SOX6: variants seen among roughly 807,000 people sequenced by gnomAD.
SOX6 encodes the protein SRY-box transcription factor 6, also known as transcription factor SOX-6.
Under a neutral mutation model 97.8 loss-of-function variants are expected in SOX6, and 11 were observed. The ratio of observed to expected loss-of-function variants is 0.11; its 90% CI spans 0.07 to 0.19. The LOEUF (loss-of-function observed/expected upper bound fraction) is 0.19. Ranked by LOEUF, SOX6 falls within the 10% of genes least tolerant of loss-of-function variation. The pLI is 1.00. For missense variants in SOX6, 810 were observed against 1,039.5 expected (o/e 0.78, Z 3.04); for synonymous variants, 360 against 371.4 (o/e 0.97, Z 0.35).
intron 3 of SOX6, chr11:16,317,671 C>T (rs906782410): frequency 2.6e-5 from 4 of 152,952 alleles, no homozygotes; most frequent in Non-Finnish European, 1.5e-5. Flanking sequence ...CCCAATTTGT[C>T]TATAGTAAAA....
chr11:16,087,906 G>T (rs560095382), intron 9 of SOX6, among the ~76,000 whole-genome samples: 1 of 151,972 alleles, frequency 6.6e-6, no homozygotes, highest in South Asian at 2.1e-4. Context: ...ATAATTCTTT[G>T]CTGTGGGTGG....
chr11:16,377,820 T>C (rs564154265), intron 1 of SOX6, among the ~76,000 whole-genome samples: 1 of 152,286 alleles, frequency 6.6e-6, no homozygotes, highest in Non-Finnish European at 1.5e-5. Flanking sequence ...GTAAAAATGT[T>C]TCTTTTGCCA....
chr11:16,600,684 C>T (rs1848257855), intron 4 of SOX6, among the ~76,000 whole-genome samples: 1 of 152,176 alleles, frequency 6.6e-6, no homozygotes, highest in South Asian at 2.1e-4. Context: ...TGAACTATTT[C>T]CAGTTTGTTT....
chr11:16,518,596 T>C (rs926444410), intron 4 of SOX6, among the ~76,000 whole-genome samples: 4 of 152,154 alleles, frequency 2.6e-5, no homozygotes, highest in Non-Finnish European at 5.9e-5. Flanking sequence ...CTCTGTAATA[T>C]GTCTACTGAA....
chr11:16,185,286 C>G (rs1590007912), intron 5 of SOX6, among the ~76,000 whole-genome samples: 1 of 152,278 alleles, frequency 6.6e-6, no homozygotes, highest in East Asian at 1.9e-4. Context: ...GGATGGCCCA[C>G]TCTGCTTGTG....
At chr11:16,606,242 TC>T (rs1160647679) in intron 4 of SOX6, among the ~76,000 whole-genome samples, 6 of 147,226 alleles carry the variant, frequency 4.1e-5, no homozygotes, top group African/African-American at 1.3e-4. Flanking sequence ...TTTTTTTTTT[TC>T]CTTTATATCT....
intron 4 of SOX6, among the ~76,000 whole-genome samples, chr11:16,515,507 C>G: frequency 9.3e-6 from 1 of 107,926 alleles, no homozygotes; most frequent in African/African-American, 3.5e-5. Context: ...TGCCTGTTCA[C>G]TCTGATGGTA....
At chr11:16,520,923 G>C (rs1216623119) in intron 4 of SOX6, among the ~76,000 whole-genome samples, 2 of 152,230 alleles carry the variant, frequency 1.3e-5, no homozygotes, top group African/African-American at 2.4e-5. Context: ...GCGAGGCTGG[G>C]GGAGGGGTGC....
intron 6 of SOX6, among the ~76,000 whole-genome samples, chr11:16,122,557 C>T (rs1849519379): frequency 6.6e-6 from 1 of 151,950 alleles, no homozygotes. Flanking sequence ...AAACTTTTGA[C>T]CCACAATGAA....
chr11:16,682,682 C>T (rs1177012787), intron 3 of SOX6, among the ~76,000 whole-genome samples: 1 of 152,210 alleles, frequency 6.6e-6, no homozygotes, highest in Non-Finnish European at 1.5e-5. Context: ...TGGCACAAAA[C>T]AAGGATGCCC....
chr11:16,142,305 G>T (rs945723985), intron 6 of SOX6, among the ~76,000 whole-genome samples: 1 of 152,078 alleles, frequency 6.6e-6, no homozygotes, highest in South Asian at 2.1e-4. Flanking sequence ...ACTGTTAGAA[G>T]GAAAACTAAC....
chr11:16,061,803 C>G lies in SOX6; in HGVS notation c.1102-5902G>C, dbSNP rs182072230. Among the ~76,000 whole-genome samples, 400 of 151,868 alleles carry G rather than the reference C, an allele frequency of 2.6e-3. 1 individual carries two copies. Among genetic ancestry groups the G allele is most frequent in the African/African-American group, 9.2e-3 (381 of 41,512 alleles). ...GAACATGTATTGGCAAAAGGACATT[C>G]TTTTCAATAAATGGTGCTGGGAAAA... On this transcript the variant is annotated intron_variant, in intron 9 of 15. Transcript: ENST00000683767.
chr11:16,353,295 G>A (rs745363010), intron 1 of SOX6, among the ~76,000 whole-genome samples: 63 of 152,066 alleles, frequency 4.1e-4, no homozygotes, highest in African/African-American at 1.1e-3. Flanking sequence ...CACACTACCC[G>A]TCTAGAGCTG....
chr11:16,151,220 G>A (rs1311291198), intron 6 of SOX6, among the ~76,000 whole-genome samples: 5 of 152,062 alleles, frequency 3.3e-5, no homozygotes. Context: ...AAACGATTTT[G>A]AGAAGTTCTA....
Position 16,059,107 on chromosome 11 carries a change from AT to A in SOX6, c.1102-3207del, listed in dbSNP as rs1847888143. Among the ~76,000 whole-genome samples the A allele has an allele frequency of 4.6e-5, 7 of 152,244 alleles. No homozygotes were observed. In the South Asian group the frequency reaches 1.4e-3, roughly 32 times the overall value. ...CTTTCTCTTTTTTACTAAGACAGTTATAACTCATCTATCCACTTCTCATATT... is the reference window on the plus strand; with the variant it reads ...CTTTCTCTTTTTTACTAAGACAGTTAAACTCATCTATCCACTTCTCATATT... On this transcript the variant is annotated intron_variant, in intron 9 of 15. Coordinates refer to ENST00000683767, the MANE Select transcript of SOX6 (RefSeq NM_001367873.1).
intron 3 of SOX6, among the ~76,000 whole-genome samples, chr11:16,236,108 T>G (rs1853012746): frequency 6.6e-6 from 1 of 152,154 alleles, no homozygotes; most frequent in South Asian, 2.1e-4. Flanking sequence ...CCTTCCTACC[T>G]TCCTTCTTTC....
intron 4 of SOX6, among the ~76,000 whole-genome samples, chr11:16,522,707 C>A (rs1455512287): frequency 6.6e-6 from 1 of 152,134 alleles, no homozygotes; most frequent in Non-Finnish European, 1.5e-5. Flanking sequence ...AGAGTCAAGA[C>A]CCATCAGTGT....
chr11:16,135,868 TGAAA>T (rs1309902163), intron 6 of SOX6, among the ~76,000 whole-genome samples: 1 of 152,198 alleles, frequency 6.6e-6, no homozygotes, highest in African/African-American at 2.4e-5. Flanking sequence ...AAATCTTTCG[TGAAA>T]GAGTCAATTG....
intron 3 of SOX6, among the ~76,000 whole-genome samples, chr11:16,683,615 C>T (rs1444850144): frequency 1.1e-4 from 17 of 152,196 alleles, no homozygotes; most frequent in African/African-American, 2.2e-4. Flanking sequence ...AATGTTAGAC[C>T]TAAAACCATA....
Sources: gnomAD v4.1 joint callset for allele counts (sites outside exome capture counted in the v4.1 genomes callset) on GRCh38, gnomAD v4.1.1 for gene constraint, MANE v1.5 for transcripts, NCBI Gene and HGNC (gene_info 2026-07-23, HGNC 2026-07-21) for gene names.